The following BCL11A variants were observed in gnomAD, a reference collection of about 807,000 sequenced individuals.
BCL11A encodes BCL11 transcription factor A.
A neutral mutation model predicts 55.9 loss-of-function variants in BCL11A; 2 were observed. The observed-to-expected ratio is 0.04, with a 90% CI of 0.01 to 0.11. The LOEUF (loss-of-function observed/expected upper bound fraction) is 0.11, where lower values mean the gene tolerates loss of function less well. Among genes scored for constraint, BCL11A ranks in the 10% least tolerant of loss-of-function variants. The probability of loss-of-function intolerance (pLI) is 1.00; values close to 1 mark genes in which losing one functional copy is unlikely to be tolerated. For missense variants in BCL11A, 817 were observed against 1,137.1 expected (o/e 0.72, Z 4.05); for synonymous variants, 465 against 473.4 (o/e 0.98, Z 0.23).
intron 3 of BCL11A, among the ~76,000 whole-genome samples, chr2:60,465,145 A>G (rs1427484330): frequency 6.6e-6 from 1 of 152,230 alleles, no homozygotes; most frequent in Non-Finnish European, 1.5e-5. Context: ...CCGGTGTACC[A>G]TATTATATTA....
intron 2 of BCL11A, among the ~76,000 whole-genome samples, chr2:60,504,455 C>G (rs1165126944): frequency 6.6e-6 from 1 of 152,170 alleles, no homozygotes; most frequent in Non-Finnish European, 1.5e-5. Flanking sequence ...GAAGGAATAA[C>G]AGAACAAAAA....
downstream of BCL11A, chr2:60,452,416 G>T (rs1675761186): frequency 1.6e-6 from 1 of 608,786 alleles, no homozygotes; most frequent in Admixed American, 2.8e-5. Flanking sequence ...AAATGGCGCT[G>T]CAGGCCTAGG....
At chr2:60,542,292 C>A in intron 2 of BCL11A, 1 of 162,120 alleles carries the variant, frequency 6.2e-6, no homozygotes, top group Non-Finnish European at 1.3e-5. Flanking sequence ...TTCCTATGTG[C>A]AATAAGCCAA....
downstream of BCL11A, chr2:60,457,139 T>G (rs1017242960): frequency 9.7e-5 from 64 of 656,972 alleles, no homozygotes; most frequent in African/African-American, 1.1e-3. Flanking sequence ...ACCTGTTATT[T>G]TCTTGCAAGT....
At chr2:60,513,705 A>T (rs1035853442) in intron 2 of BCL11A, among the ~76,000 whole-genome samples, 1 of 152,230 alleles carries the variant, frequency 6.6e-6, no homozygotes, top group Non-Finnish European at 1.5e-5. Flanking sequence ...GAAAAAAGAA[A>T]AAGAAATAGC....
At chr2:60,453,695 TA>T (rs886364108), downstream of BCL11A, among the ~76,000 whole-genome samples, 13 of 152,218 alleles carry the variant, frequency 8.5e-5, no homozygotes, top group Non-Finnish European at 1.9e-4. Flanking sequence ...ATTCAAATTC[TA>T]ATAGACAAAG....
chr2:60,542,963 G>A (rs535674857), intron 2 of BCL11A: 1 of 148,460 alleles, frequency 6.7e-6, no homozygotes, highest in Non-Finnish European at 1.5e-5. Flanking sequence ...CTAGGAGGCA[G>A]AGGTTGCAGT....
intron 1 of BCL11A, among the ~76,000 whole-genome samples, chr2:60,552,424 G>C (rs1396658515): frequency 6.6e-6 from 1 of 151,622 alleles, no homozygotes; most frequent in African/African-American, 2.4e-5. Flanking sequence ...CTGCCCTTCG[G>C]CGGCGGCGGC....
intron 2 of BCL11A, among the ~76,000 whole-genome samples, chr2:60,493,502 G>A (rs1263680642): frequency 2.6e-5 from 4 of 151,932 alleles, no homozygotes; most frequent in Admixed American, 1.3e-4. Context: ...ATCCTATTCC[G>A]AATAGAAACC....
chr2:60,546,357 G>A lies in BCL11A; in HGVS notation c.56-57C>T. 9 of 1,474,814 alleles carry A rather than the reference G, an allele frequency of 6.1e-6. No homozygotes were observed. The highest frequency in any genetic ancestry group is 8.4e-6 in the Non-Finnish European group (9 of 1,071,116). The allele number at this position is 1,474,814 out of a possible 1,614,324, so 91.4% of individuals were successfully genotyped here. On this transcript the variant is annotated intron_variant, in intron 1 of 3. Coordinates refer to ENST00000642384, the MANE Select transcript of BCL11A (RefSeq NM_022893.4). The surrounding 1 kb of genome is among the most constrained non-coding windows in gnomAD (Gnocchi z 4.1). Reference sequence around the variant, plus strand: ...AGAGTGCCAGAGAGGACAGAAAGGGGAGAAGCACATCTCAACCCCATGCCA... The same window carrying A: ...AGAGTGCCAGAGAGGACAGAAAGGGAAGAAGCACATCTCAACCCCATGCCA...
chr2:60,531,355 G>T (rs907215545), intron 2 of BCL11A, among the ~76,000 whole-genome samples: 1 of 152,156 alleles, frequency 6.6e-6, no homozygotes, highest in African/African-American at 2.4e-5. Context: ...CGTTCTGCAA[G>T]AATATTTTAA....
At chr2:60,474,729 T>C (rs1374691003) in intron 2 of BCL11A, among the ~76,000 whole-genome samples, 1 of 152,208 alleles carries the variant, frequency 6.6e-6, no homozygotes, top group African/African-American at 2.4e-5. Context: ...CATTCTCTCA[T>C]GCATTCATTC....
Position 60,459,277 on chromosome 2 carries a change from T to C in BCL11A, c.*1127A>G. ...ATCTATTTCTTTTGGTGCCAGTATT[T>C]TTAAAAAGACATTATTAAAGCAAAT... On this transcript the variant is annotated 3_prime_UTR_variant, in exon 4 of 4. Coordinates refer to ENST00000642384, the MANE Select transcript of BCL11A (RefSeq NM_022893.4). 1 of 1,017,736 alleles carries C rather than the reference T, an allele frequency of 9.8e-7. No homozygotes were observed. The allele number at this position is 1,017,736 out of a possible 1,614,324, so 63.0% of individuals were successfully genotyped here.
chr2:60,467,672 GTGA>G (rs1676851742), intron 3 of BCL11A, among the ~76,000 whole-genome samples: 1 of 99,842 alleles, frequency 1.0e-5, no homozygotes, highest in South Asian at 3.5e-4. Context: ...GGTACTGGTG[GTGA>G]TGGTGATGGT....
At chr2:60,513,058 C>T (rs533854392) in intron 2 of BCL11A, among the ~76,000 whole-genome samples, 1 of 152,262 alleles carries the variant, frequency 6.6e-6, no homozygotes, top group South Asian at 2.1e-4. Flanking sequence ...AGAGAAAGGA[C>T]CCCCAGAACA....
intron 2 of BCL11A, among the ~76,000 whole-genome samples, chr2:60,521,602 TGTGCCCCA>T (rs1460889950): frequency 1.3e-5 from 2 of 152,214 alleles, no homozygotes; most frequent in African/African-American, 2.4e-5. Flanking sequence ...TCTTCCATCT[TGTGCCCCA>T]GTCCTCCCTT....
At chr2:60,467,921 G>GTGA (rs1676922814) in intron 3 of BCL11A, among the ~76,000 whole-genome samples, 1 of 130,782 alleles carries the variant, frequency 7.6e-6, no homozygotes, top group East Asian at 2.1e-4. Flanking sequence ...GGTGGTGGTG[G>GTGA]TGGTGGTAGT....
Position 60,460,482 on chromosome 2 carries a change from G to A in BCL11A, c.2430C>T (p.Ser810=). 6.2e-7 allele frequency: 1 copy of A among 1,613,990 alleles called. No individual in the cohort carries two copies. Among genetic ancestry groups the A allele is most frequent in the Non-Finnish European group, 8.5e-7 (1 of 1,180,012 alleles). The part of the protein sequence containing the change: ...YKCEICKMPF[S]VYSTLEKHMK... ...TGTGTTTCTCCAGGGTACTGTACACGCTAAAAGGCATCTTACAAATTTCAC... is the reference window on the plus strand; with the variant it reads ...TGTGTTTCTCCAGGGTACTGTACACACTAAAAGGCATCTTACAAATTTCAC... Residue 810 remains serine, a synonymous_variant, in exon 4 of 4, where the codon AGC becomes AGT. Transcript: ENST00000642384.
At chr2:60,453,248 C>A (rs566197614), downstream of BCL11A, among the ~76,000 whole-genome samples, 1 of 152,324 alleles carries the variant, frequency 6.6e-6, no homozygotes, top group African/African-American at 2.4e-5. Context: ...CCTGTAGTTT[C>A]TTTCAAACAT....
Sources: gnomAD v4.1 joint callset for allele counts (sites outside exome capture counted in the v4.1 genomes callset) on GRCh38, gnomAD v4.1.1 for gene constraint, Gnocchi (gnomAD v3.1) non-coding constraint, MANE v1.5 for transcripts, NCBI Gene and HGNC (gene_info 2026-07-23, HGNC 2026-07-21) for gene names.